Variants in GABRB1 observed in about 807,000 individuals in gnomAD.
GABRB1 encodes the protein gamma-aminobutyric acid type A receptor subunit beta1.
GABRB1 carries 17 observed loss-of-function variants against 51.6 expected under a neutral mutation model. The ratio of observed to expected loss-of-function variants is 0.33; its 90% confidence interval spans 0.23 to 0.49. The LOEUF is 0.49. Ranked by LOEUF, GABRB1 falls within the 20% of genes least tolerant of loss-of-function variation. The pLI is 0.99. For missense variants in GABRB1, 410 were observed against 600.6 expected (o/e 0.68, Z 3.32); for synonymous variants, 247 against 218.9 (o/e 1.13, Z -1.14).
At chr4:47,417,447 T>G (rs1169114590) in intron 8 of GABRB1, among the ~76,000 whole-genome samples, 2 of 150,732 alleles carry the variant, frequency 1.3e-5, no homozygotes, top group Non-Finnish European at 3.0e-5. Flanking sequence ...ACCTCCCATC[T>G]CCTCCCCCCG....
chr4:47,097,707 TATG>T (rs1330892243), intron 3 of GABRB1, among the ~76,000 whole-genome samples: 2 of 152,204 alleles, frequency 1.3e-5, no homozygotes, highest in African/African-American at 2.4e-5. Context: ...AATGAATGAA[TATG>T]ATAAGAGAAT....
intron 5 of GABRB1, among the ~76,000 whole-genome samples, chr4:47,398,856 T>C (rs1299366813): frequency 6.6e-6 from 1 of 152,110 alleles, no homozygotes; most frequent in Non-Finnish European, 1.5e-5. Flanking sequence ...AGTGGCGCTA[T>C]CTCGGCTCAC....
chr4:47,343,692 A>G (rs1725985255), intron 5 of GABRB1, among the ~76,000 whole-genome samples: 1 of 152,212 alleles, frequency 6.6e-6, no homozygotes, highest in South Asian at 2.1e-4. Flanking sequence ...CCTGGCATGT[A>G]TATACCAGAA....
chr4:47,322,997 C>CAACAAT (rs1725139763), intron 5 of GABRB1, among the ~76,000 whole-genome samples: 1 of 119,462 alleles, frequency 8.4e-6, no homozygotes, highest in East Asian at 2.7e-4. Context: ...ACAACAACAA[C>CAACAAT]AATAATAATA....
In GABRB1 at chr4:47,116,567, G is replaced by A. The variant is rs555324228; in HGVS notation, c.241-44682G>A. Among the ~76,000 whole-genome samples the A allele has an allele frequency of 3.3e-5, 5 of 152,144 alleles. No individual in the cohort carries two copies. In the South Asian group the frequency reaches 1.0e-3, roughly 32 times the overall value. ...TGCTAAATCTTTTGGAACATATAGT[G>A]GTAAATTAGTTTGGCTGTTAAGTTA... On this transcript the variant is annotated intron_variant, in intron 3 of 8. Coordinates refer to ENST00000295454, the MANE Select transcript of GABRB1 (RefSeq NM_000812.4).
At chr4:47,157,817 A>G (rs1717768931) in intron 3 of GABRB1, among the ~76,000 whole-genome samples, 1 of 152,074 alleles carries the variant, frequency 6.6e-6, no homozygotes, top group South Asian at 2.1e-4. Flanking sequence ...ATTTTTATTT[A>G]TCATAGAATC....
At chr4:47,403,487 G>A (rs1728470242) in intron 6 of GABRB1, 32 bp downstream of exon 6, 2 of 1,613,564 alleles carry the variant, frequency 1.2e-6, no homozygotes, top group African/African-American at 1.3e-5. Context: ...TGTACTAGGG[G>A]TGCTGTGAAA....
intron 3 of GABRB1, among the ~76,000 whole-genome samples, chr4:47,078,026 A>G (rs1171011925): frequency 4.9e-5 from 7 of 143,496 alleles, no homozygotes; most frequent in African/African-American, 1.8e-4. Flanking sequence ...TTTTGCTCTT[A>G]TTGGCCAGGC....
chr4:47,155,861 T>C (rs1717668530), intron 3 of GABRB1, among the ~76,000 whole-genome samples: 1 of 143,548 alleles, frequency 7.0e-6, no homozygotes, highest in Admixed American at 7.2e-5. Context: ...TTTTTCATGA[T>C]AAACAATGGT....
At chr4:47,252,984 CT>C (rs1254821914) in intron 4 of GABRB1, among the ~76,000 whole-genome samples, 1 of 152,138 alleles carries the variant, frequency 6.6e-6, no homozygotes, top group Non-Finnish European at 1.5e-5. Context: ...GTTCTAAGCA[CT>C]TTATATACAT....
At chr4:47,188,916 A>G (rs971052511) in intron 4 of GABRB1, among the ~76,000 whole-genome samples, 1 of 152,030 alleles carries the variant, frequency 6.6e-6, no homozygotes, top group East Asian at 1.9e-4. Flanking sequence ...CTGCTTATCC[A>G]TTAAACAAAC....
At chr4:47,312,291 G>A (rs764109891) in intron 4 of GABRB1, among the ~76,000 whole-genome samples, 9 of 151,666 alleles carry the variant, frequency 5.9e-5, no homozygotes, top group Admixed American at 2.0e-4. Context: ...TATGTCTCAC[G>A]CTCCCAGGAT....
At chr4:47,244,256 T>A (rs1238680559) in intron 4 of GABRB1, among the ~76,000 whole-genome samples, 24 of 152,212 alleles carry the variant, frequency 1.6e-4, no homozygotes. Flanking sequence ...GTGCATAAGC[T>A]TTTTGACGTG....
At chr4:47,423,435 A>G (rs1729153849) in intron 8 of GABRB1, among the ~76,000 whole-genome samples, 1 of 152,210 alleles carries the variant, frequency 6.6e-6, no homozygotes, top group Non-Finnish European at 1.5e-5. Context: ...CTACTCAGCC[A>G]TGCTTCTTGG....
At chr4:47,196,639 G>A (rs1011973598) in intron 4 of GABRB1, among the ~76,000 whole-genome samples, 5 of 152,114 alleles carry the variant, frequency 3.3e-5, no homozygotes, top group Admixed American at 6.5e-5. Flanking sequence ...AAGGTGTGAT[G>A]GTGTATAAGG....
At chr4:47,046,856 C>G (rs989243251) in intron 3 of GABRB1, among the ~76,000 whole-genome samples, 1 of 152,022 alleles carries the variant, frequency 6.6e-6, no homozygotes, top group Admixed American at 6.6e-5. Flanking sequence ...ATGGATTGAG[C>G]TAGAGGCCAT....
At chr4:47,298,667 G>C (rs948155153) in intron 4 of GABRB1, among the ~76,000 whole-genome samples, 5 of 152,238 alleles carry the variant, frequency 3.3e-5, no homozygotes, top group African/African-American at 1.2e-4. Flanking sequence ...TGCTGCCCAA[G>C]GTAATTTATA....
chr4:47,161,217 CTTT>C (rs77889271), intron 3 of GABRB1, 29 bp from the exon 4 acceptor site: 165 of 1,135,282 alleles, frequency 1.5e-4, no homozygotes, highest in Middle Eastern at 2.3e-4. Context: ...TAGTAAAATT[CTTT>C]TTTTTTTTTT....
At chr4:47,256,039 AC>A (rs1722185401) in intron 4 of GABRB1, among the ~76,000 whole-genome samples, 1 of 152,248 alleles carries the variant, frequency 6.6e-6, no homozygotes, top group Non-Finnish European at 1.5e-5. Flanking sequence ...TCAGTGCCAC[AC>A]TAATGAATTA....
Sources: gnomAD v4.1 joint callset for allele counts (sites outside exome capture counted in the v4.1 genomes callset) on GRCh38, gnomAD v4.1.1 for gene constraint, MANE v1.5 for transcripts, NCBI Gene and HGNC (gene_info 2026-07-23, HGNC 2026-07-21) for gene names.